The following GNAL variants were observed in gnomAD, a reference collection of about 807,000 sequenced individuals.
GNAL encodes the protein guanine nucleotide-binding protein G(olf) subunit alpha.
GNAL carries 18 observed loss-of-function variants against 55.1 expected under a neutral mutation model. The observed-to-expected ratio is 0.33, with a 90% CI of 0.23 to 0.48. GNAL has a LOEUF of 0.48. Among genes scored for constraint, GNAL ranks in the 20% least tolerant of loss-of-function variants. GNAL has a pLI of 0.99. For missense variants in GNAL, 412 were observed against 614.1 expected, an observed-to-expected ratio of 0.67 and a Z score of 3.48; for synonymous variants, 253 against 237.0, an observed-to-expected ratio of 1.07 and a Z score of -0.62.
chr18:11,780,348 A>C (rs1268369556), intron 4 of GNAL, among the ~76,000 whole-genome samples: 1 of 151,342 alleles, frequency 6.6e-6, no homozygotes, highest in Admixed American at 6.6e-5. Flanking sequence ...CAAATATCCA[A>C]GTTTGTTTTT....
In GNAL at chr18:11,786,436, C is replaced by CTTTTTTTT. The variant is rs66803403; in HGVS notation, c.624+32514_624+32521dup. Among the ~76,000 whole-genome samples, 271 of 60,692 alleles carry CTTTTTTTT rather than the reference C, an allele frequency of 4.5e-3. 39 individuals are homozygous for CTTTTTTTT. The highest frequency in any genetic ancestry group is 5.3e-3 in the African/African-American group (75 of 14,270). The allele number at this position is 60,692 out of a possible 152,430, so 39.8% of individuals were successfully genotyped here. On this transcript the variant is annotated intron_variant, in intron 4 of 11. Transcript: ENST00000334049. The stretch of plus-strand genomic sequence containing the variant: ...GGTGGGATAGATCTTCATACGTTTT[C>CTTTTTTTT]TTTTTTTTTTTTTTTTTTTTTTTTT...
At chr18:11,791,897 C>T (rs1482598212) in intron 4 of GNAL, among the ~76,000 whole-genome samples, 2 of 151,442 alleles carry the variant, frequency 1.3e-5, no homozygotes, top group Non-Finnish European at 2.9e-5. Context: ...AGCCTCACCT[C>T]TCACAGGTGT....
chr18:11,803,941 T>C (rs111845669), intron 4 of GNAL, among the ~76,000 whole-genome samples: 8 of 144,868 alleles, frequency 5.5e-5, no homozygotes, highest in South Asian at 2.2e-4. Flanking sequence ...TACTATGTAG[T>C]GGTGAAGTAC....
intron 4 of GNAL, among the ~76,000 whole-genome samples, chr18:11,754,227 C>T (rs1318555725): frequency 6.6e-6 from 1 of 152,014 alleles, no homozygotes; most frequent in African/African-American, 2.4e-5. Context: ...CCAGTCTGTC[C>T]AACATGGTAA....
chr18:11,856,479 G>T (rs148977110), intron 5 of GNAL, among the ~76,000 whole-genome samples: 1 of 151,204 alleles, frequency 6.6e-6, no homozygotes, highest in African/African-American at 2.5e-5. Context: ...CACCCTAAGC[G>T]CACAGAGTCC....
At chr18:11,743,526 C>T (rs1386962472) in intron 1 of GNAL, among the ~76,000 whole-genome samples, 2 of 151,988 alleles carry the variant, frequency 1.3e-5, no homozygotes, top group Non-Finnish European at 2.9e-5. Flanking sequence ...TAAAATATTC[C>T]CTCAGAAAGA....
intron 1 of GNAL, among the ~76,000 whole-genome samples, chr18:11,706,780 T>C (rs1166118481): frequency 6.6e-6 from 1 of 152,242 alleles, no homozygotes; most frequent in Non-Finnish European, 1.5e-5. Context: ...ATCCTGAGAT[T>C]GCAGCCATTT....
chr18:11,884,977 G>T lies in GNAL; in HGVS notation c.*3842G>T. On this transcript the variant is annotated 3_prime_UTR_variant, in exon 12 of 12. Coordinates refer to ENST00000334049, the MANE Select transcript of GNAL (RefSeq NM_182978.4). ...GGCACCGTGGAGTTCCAGGGTCATCGGTCAGCGAGGAACAAGGAGGGAAAG... is the reference window on the plus strand; with the variant it reads ...GGCACCGTGGAGTTCCAGGGTCATCTGTCAGCGAGGAACAAGGAGGGAAAG... 1 of 1,302,842 alleles carries T rather than the reference G, an allele frequency of 7.7e-7. No individual in the cohort carries two copies. Among genetic ancestry groups the T allele is most frequent in the Non-Finnish European group, 1.0e-6 (1 of 1,000,370 alleles). 80.7% of individuals were successfully genotyped at this position (1,302,842 alleles called of 1,614,324 possible).
At chr18:11,826,027 A>T (rs2035234894) in intron 5 of GNAL, among the ~76,000 whole-genome samples, 1 of 152,210 alleles carries the variant, frequency 6.6e-6, no homozygotes, top group East Asian at 1.9e-4. Context: ...CATAGAAGAG[A>T]TTCCATAGCA....
intron 4 of GNAL, among the ~76,000 whole-genome samples, chr18:11,772,886 C>CA (rs1224512548): frequency 6.6e-6 from 1 of 152,236 alleles, no homozygotes; most frequent in African/African-American, 2.4e-5. Context: ...TGTCACCTGT[C>CA]AGTCTCTCAT....
chr18:11,822,596 G>A (rs1012686326), intron 4 of GNAL, among the ~76,000 whole-genome samples: 5 of 152,120 alleles, frequency 3.3e-5, no homozygotes, highest in Non-Finnish European at 7.3e-5. Context: ...GGGGCAGAGT[G>A]AGACCACGTC....
chr18:11,791,588 A>G (rs1410422093), intron 4 of GNAL, among the ~76,000 whole-genome samples: 1 of 152,236 alleles, frequency 6.6e-6, no homozygotes, highest in Non-Finnish European at 1.5e-5. Flanking sequence ...TCTTAATAAG[A>G]TACTAAGCTC....
intron 1 of GNAL, among the ~76,000 whole-genome samples, chr18:11,748,748 G>T (rs1461842166): frequency 6.6e-6 from 1 of 151,932 alleles, no homozygotes; most frequent in Non-Finnish European, 1.5e-5. Context: ...ACATTTTATA[G>T]AAATCTTGAC....
intron 4 of GNAL, among the ~76,000 whole-genome samples, chr18:11,756,497 T>C (rs542882241): frequency 2.5e-4 from 38 of 151,914 alleles, no homozygotes; most frequent in African/African-American, 8.4e-4. Context: ...TCTATGCACA[T>C]GTCAAATGAG....
intron 1 of GNAL, among the ~76,000 whole-genome samples, chr18:11,700,553 C>T (rs1455184700): frequency 6.6e-6 from 1 of 152,204 alleles, no homozygotes; most frequent in Non-Finnish European, 1.5e-5. Context: ...GGGAAGCCAC[C>T]CATCAAAATC....
chr18:11,755,199 C>T (rs2033008695), intron 4 of GNAL, among the ~76,000 whole-genome samples: 1 of 152,148 alleles, frequency 6.6e-6, no homozygotes, highest in Non-Finnish European at 1.5e-5. Context: ...CCTGGCTCAC[C>T]CCACCCCTTC....
chr18:11,786,113 T>G (rs980319525), intron 4 of GNAL, among the ~76,000 whole-genome samples: 2 of 152,188 alleles, frequency 1.3e-5, no homozygotes, highest in African/African-American at 4.8e-5. Context: ...TTTTGTGTGC[T>G]TATTTCAGCT....
intron 4 of GNAL, among the ~76,000 whole-genome samples, chr18:11,776,316 GT>G (rs1463808213): frequency 6.6e-6 from 1 of 152,118 alleles, no homozygotes; most frequent in Non-Finnish European, 1.5e-5. Flanking sequence ...CTCTTCAGAA[GT>G]TTTTTTAATA....
chr18:11,856,692 G>C (rs191222026), intron 5 of GNAL, among the ~76,000 whole-genome samples: 1 of 152,078 alleles, frequency 6.6e-6, no homozygotes, highest in Non-Finnish European at 1.5e-5. Context: ...TTGGGAGGCC[G>C]AGGTGGGCAG....
Sources: gnomAD v4.1 joint callset for allele counts (sites outside exome capture counted in the v4.1 genomes callset) on GRCh38, gnomAD v4.1.1 for gene constraint, MANE v1.5 for transcripts, NCBI Gene and HGNC (gene_info 2026-07-23, HGNC 2026-07-21) for gene names.